Variants in SPOCK3 observed in about 807,000 individuals in gnomAD.
SPOCK3 encodes SPARC (osteonectin), cwcv and kazal like domains proteoglycan 3.
In SPOCK3, 30 loss-of-function variants were observed where a neutral mutation model predicts 56.6. That is an observed-to-expected ratio of 0.53 (90% confidence interval 0.40 to 0.72). The LOEUF is 0.72. Among genes scored for constraint, SPOCK3 ranks in the 30% least tolerant of loss-of-function variants. The pLI is 0.00. For synonymous variants in SPOCK3, 196 were observed against 183.3 expected (o/e 1.07, Z -0.56); for missense variants, 527 against 530.0 (o/e 0.99, Z 0.06).
intron 4 of SPOCK3, among the ~76,000 whole-genome samples, chr4:166,936,655 G>A (rs1740440082): frequency 6.6e-6 from 1 of 151,866 alleles, no homozygotes; most frequent in East Asian, 1.9e-4. Context: ...CCTAAAACCA[G>A]CTTTAGGTGA....
At chr4:167,114,085 G>GA (rs934988209) in intron 2 of SPOCK3, among the ~76,000 whole-genome samples, 1 of 152,126 alleles carries the variant, frequency 6.6e-6, no homozygotes, top group African/African-American at 2.4e-5. Flanking sequence ...AGTCACAGGT[G>GA]AATGTTCATG....
chr4:167,139,708 G>C (rs1763379850), intron 2 of SPOCK3, among the ~76,000 whole-genome samples: 1 of 151,958 alleles, frequency 6.6e-6, no homozygotes. Flanking sequence ...CAAAATTTCA[G>C]TTATTTCCCT....
intron 4 of SPOCK3, among the ~76,000 whole-genome samples, chr4:166,944,269 CG>C (rs1741456772): frequency 6.6e-6 from 1 of 151,570 alleles, no homozygotes; most frequent in African/African-American, 2.4e-5. Flanking sequence ...TATGAGTATC[CG>C]TTGCTGACAT....
intron 6 of SPOCK3, among the ~76,000 whole-genome samples, chr4:166,883,648 T>C (rs993979545): frequency 7.2e-5 from 11 of 152,180 alleles, no homozygotes; most frequent in African/African-American, 2.7e-4. Context: ...TGTACTTTAT[T>C]GCTGGACCCA....
At position 166,943,688 on chromosome 4, in the gene SPOCK3, T is replaced by G. The variant is rs547170082; in HGVS notation, c.351-30945A>C. Among the ~76,000 whole-genome samples the G allele has an allele frequency of 1.1e-4, 16 of 152,312 alleles. No homozygotes were observed. The East Asian group carries it at 3.1e-3, about 29-fold the overall frequency. Reference sequence around the variant, plus strand: ...TTTTGAAATGTTTCAGGGTATTACTTCAAAGTATATTCTTATTTATTGTGG... The same window carrying G: ...TTTTGAAATGTTTCAGGGTATTACTGCAAAGTATATTCTTATTTATTGTGG... On this transcript the variant is annotated intron_variant, in intron 4 of 10. Coordinates refer to ENST00000357545, the MANE Select transcript of SPOCK3 (RefSeq NM_001040159.2).
chr4:167,018,487 G>A (rs145859595), intron 3 of SPOCK3, among the ~76,000 whole-genome samples: 24 of 152,066 alleles, frequency 1.6e-4, no homozygotes, highest in East Asian at 5.8e-4. Context: ...ATAGCCATTC[G>A]CCCAGAATAA....
intron 2 of SPOCK3, among the ~76,000 whole-genome samples, chr4:167,065,933 G>C (rs1180284647): frequency 6.6e-6 from 1 of 151,770 alleles, no homozygotes; most frequent in East Asian, 1.9e-4. Context: ...AACCAATCCT[G>C]AATGTTTCAA....
chr4:166,800,183 G>GAAAAAAAAAA lies in SPOCK3; in HGVS notation c.590-7904_590-7895dup, dbSNP rs367811359. 1.9e-3 allele frequency among the ~76,000 whole-genome samples: 100 copies of GAAAAAAAAAA among 51,774 alleles called. 4 individuals carry two copies. The highest frequency in any genetic ancestry group is 2.8e-3 in the East Asian group (2 of 712). 34.0% of individuals were successfully genotyped at this position (51,774 alleles called of 152,430 possible). ...GGCGACAGAGAGAGACTCCATCTCA[G>GAAAAAAAAAA]AAAAAAAAAAAAAAAAAAAAAAATG... On this transcript the variant is annotated intron_variant, in intron 6 of 10. Coordinates refer to ENST00000357545, the MANE Select transcript of SPOCK3 (RefSeq NM_001040159.2).
chr4:167,142,686 T>C (rs1429291126), intron 2 of SPOCK3, among the ~76,000 whole-genome samples: 10 of 151,948 alleles, frequency 6.6e-5, no homozygotes, highest in Admixed American at 6.6e-4. Context: ...TAGCAATAGA[T>C]GCAAAGGAGA....
chr4:166,951,237 T>C lies in SPOCK3; in HGVS notation c.351-38494A>G, dbSNP rs568053034. Among the ~76,000 whole-genome samples, 17 of 141,798 alleles carry C rather than the reference T, an allele frequency of 1.2e-4. 1 individual carries two copies. The highest frequency in any genetic ancestry group is 4.7e-4 in the Admixed American group (7 of 14,766). The allele number at this position is 141,798 out of a possible 152,430, so 93.0% of individuals were successfully genotyped here. Reference sequence around the variant, plus strand: ...AGAATCAAATAGATGCAATAAAAAATGATAAAGGGGATATCACCACCAATC... The same window carrying C: ...AGAATCAAATAGATGCAATAAAAAACGATAAAGGGGATATCACCACCAATC... On this transcript the variant is annotated intron_variant, in intron 4 of 10. Coordinates refer to ENST00000357545, the MANE Select transcript of SPOCK3 (RefSeq NM_001040159.2).
rs182506377 is a variant in SPOCK3, at chr4:166,906,960, A to G, written c.474+5660T>C. On this transcript the variant is annotated intron_variant, in intron 5 of 10. Coordinates refer to ENST00000357545, the MANE Select transcript of SPOCK3 (RefSeq NM_001040159.2). ...TCTGTGCTTCACAGTTCTCATCTAT[A>G]AAGGAGGGATAACAACCAGTTAACA... Among the ~76,000 whole-genome samples, 72 of 152,190 alleles carry G rather than the reference A, an allele frequency of 4.7e-4. No individual in the cohort carries two copies. In the Middle Eastern group the frequency reaches 0.01, roughly 22 times the overall value.
At chr4:167,066,265 TTC>T (rs1756121448) in intron 2 of SPOCK3, among the ~76,000 whole-genome samples, 1 of 151,870 alleles carries the variant, frequency 6.6e-6, no homozygotes, top group African/African-American at 2.4e-5. Context: ...CAGATAATTC[TTC>T]GTTGTGTTAG....
At chr4:166,806,883 G>C (rs1276173239) in intron 6 of SPOCK3, among the ~76,000 whole-genome samples, 1 of 151,906 alleles carries the variant, frequency 6.6e-6, no homozygotes, top group Non-Finnish European at 1.5e-5. Flanking sequence ...TATATATACT[G>C]TGTTTTTGTA....
At chr4:166,987,654 T>C (rs1747315379) in intron 4 of SPOCK3, among the ~76,000 whole-genome samples, 1 of 152,094 alleles carries the variant, frequency 6.6e-6, no homozygotes, top group Admixed American at 6.6e-5. Flanking sequence ...AACTAGACAA[T>C]AAATTTGGCA....
At chr4:166,764,350 C>T (rs1737680229) in intron 7 of SPOCK3, among the ~76,000 whole-genome samples, 1 of 152,060 alleles carries the variant, frequency 6.6e-6, no homozygotes, top group African/African-American at 2.4e-5. Context: ...CTCTCCCCAC[C>T]CCACAACAGG....
At chr4:167,028,594 A>G (rs950794323) in intron 3 of SPOCK3, among the ~76,000 whole-genome samples, 4 of 151,990 alleles carry the variant, frequency 2.6e-5, no homozygotes, top group Non-Finnish European at 5.9e-5. Context: ...GCAGTTATGT[A>G]TAATTTTCCA....
intron 3 of SPOCK3, among the ~76,000 whole-genome samples, chr4:167,039,114 G>A (rs1008253204): frequency 2.6e-5 from 4 of 152,048 alleles, no homozygotes; most frequent in African/African-American, 7.2e-5. Flanking sequence ...CTAGCTTCCC[G>A]GGCTTCTCAG....
intron 3 of SPOCK3, among the ~76,000 whole-genome samples, chr4:167,042,028 T>A (rs1221530260): frequency 6.6e-6 from 1 of 152,194 alleles, no homozygotes; most frequent in Admixed American, 6.6e-5. Flanking sequence ...TATTCAAAAT[T>A]CCATTTTCCC....
At chr4:167,212,373 C>T (rs934961731) in intron 2 of SPOCK3, among the ~76,000 whole-genome samples, 2 of 151,862 alleles carry the variant, frequency 1.3e-5, no homozygotes, top group African/African-American at 2.4e-5. Context: ...TCCTGAGTAC[C>T]TGGGATTACA....
Sources: allele counts gnomAD v4.1 joint callset (sites outside exome capture counted in the v4.1 genomes callset), GRCh38; gene constraint gnomAD v4.1.1; transcripts MANE v1.5; gene names NCBI Gene and HGNC (gene_info 2026-07-23, HGNC 2026-07-21).